The following DLG2 variants were observed in gnomAD, a reference collection of about 807,000 sequenced individuals.
The protein encoded by DLG2 is disks large homolog 2.
DLG2 carries 45 observed loss-of-function variants against 132.5 expected under a neutral mutation model. The observed-to-expected ratio is 0.34, with a 90% CI of 0.27 to 0.44. The LOEUF (loss-of-function observed/expected upper bound fraction) is 0.44, where lower values mean the gene tolerates loss of function less well. DLG2 is among the 20% of genes least tolerant of loss of function. The pLI is 1.00. For synonymous variants in DLG2, 424 were observed against 419.6 expected (o/e 1.01, Z -0.13); for missense variants, 1,045 against 1,196.9 (o/e 0.87, Z 1.87).
intron 6 of DLG2, among the ~76,000 whole-genome samples, chr11:84,660,211 C>T (rs893690385): frequency 8.5e-5 from 13 of 152,212 alleles, no homozygotes; most frequent in African/African-American, 2.6e-4. Context: ...CAAACAAAGG[C>T]ATTCCTACCA....
chr11:83,510,836 T>TTG (rs1368768209), intron 21 of DLG2, among the ~76,000 whole-genome samples: 6 of 141,202 alleles, frequency 4.2e-5, no homozygotes, highest in Non-Finnish European at 9.3e-5. Flanking sequence ...ATCCGTTTTT[T>TTG]TTTTTTTTTT....
At chr11:84,375,722 T>C (rs1005735730) in intron 7 of DLG2, among the ~76,000 whole-genome samples, 1 of 152,036 alleles carries the variant, frequency 6.6e-6, no homozygotes, top group African/African-American at 2.4e-5. Context: ...CTGATTGTTA[T>C]TGAGGCTAGA....
chr11:84,920,371 T>A (rs1180005703), intron 6 of DLG2, among the ~76,000 whole-genome samples: 1 of 152,180 alleles, frequency 6.6e-6, no homozygotes, highest in Non-Finnish European at 1.5e-5. Flanking sequence ...CCATTAGCTG[T>A]CAAGATTCAA....
Position 84,756,625 on chromosome 11 carries a change from T to C in DLG2, c.358-221894A>G, listed in dbSNP as rs543822561. On this transcript the variant is annotated intron_variant, in intron 6 of 27. Transcript: ENST00000376104. ...GTAATATTATGTGTAGATTCTAGTATACACAAAGTGGATACATAACAGTTA... is the reference window on the plus strand; with the variant it reads ...GTAATATTATGTGTAGATTCTAGTACACACAAAGTGGATACATAACAGTTA... 6.6e-5 allele frequency among the ~76,000 whole-genome samples: 10 copies of C among 151,634 alleles called. No homozygotes were observed. The East Asian group carries it at 1.2e-3, about 18-fold the overall frequency.
chr11:85,512,217 A>G (rs1293400737), intron 3 of DLG2, among the ~76,000 whole-genome samples: 1 of 152,044 alleles, frequency 6.6e-6, no homozygotes, highest in African/African-American at 2.4e-5. Context: ...AATAGCAATA[A>G]CAAAGAACTC....
At chr11:83,736,440 T>C (rs1280005374) in intron 18 of DLG2, among the ~76,000 whole-genome samples, 1 of 127,254 alleles carries the variant, frequency 7.9e-6, no homozygotes, top group East Asian at 2.0e-4. Flanking sequence ...ATTTTTTAGA[T>C]ACAAAAAAAA....
chr11:85,005,283 T>C (rs1007585734), intron 6 of DLG2, among the ~76,000 whole-genome samples: 1 of 152,234 alleles, frequency 6.6e-6, no homozygotes, highest in Non-Finnish European at 1.5e-5. Context: ...GATAGCTTGA[T>C]GGGGATAGCA....
intron 3 of DLG2, among the ~76,000 whole-genome samples, chr11:85,353,241 T>C: frequency 6.7e-6 from 1 of 149,074 alleles, no homozygotes; most frequent in South Asian, 2.1e-4. Context: ...GAAAAAATGC[T>C]CATCATTACT....
At chr11:83,909,953 C>T (rs1311041120) in intron 15 of DLG2, among the ~76,000 whole-genome samples, 2 of 152,118 alleles carry the variant, frequency 1.3e-5, no homozygotes, top group Non-Finnish European at 2.9e-5. Flanking sequence ...GAAAGTGATC[C>T]ACTGGAGATT....
chr11:83,590,461 T>C (rs1169201993), intron 19 of DLG2, among the ~76,000 whole-genome samples: 1 of 152,118 alleles, frequency 6.6e-6, no homozygotes, highest in Non-Finnish European at 1.5e-5. Flanking sequence ...AGACACAGCA[T>C]ACCAGAATCT....
chr11:83,836,744 C>T (rs1241315366), intron 16 of DLG2, among the ~76,000 whole-genome samples: 1 of 152,204 alleles, frequency 6.6e-6, no homozygotes, highest in African/African-American at 2.4e-5. Context: ...ATTAATCCTG[C>T]AGGGCCTTGT....
chr11:83,605,118 C>A (rs1397653248), intron 19 of DLG2, among the ~76,000 whole-genome samples: 2 of 151,816 alleles, frequency 1.3e-5, no homozygotes, highest in Non-Finnish European at 2.9e-5. Context: ...TCTGATTTAA[C>A]CCTATGAGGA....
intron 11 of DLG2, among the ~76,000 whole-genome samples, chr11:84,039,099 T>G (rs1593723641): frequency 6.6e-6 from 1 of 152,088 alleles, no homozygotes; most frequent in African/African-American, 2.4e-5. Flanking sequence ...TTTAGGTAAT[T>G]TAACAATATA....
intron 6 of DLG2, among the ~76,000 whole-genome samples, chr11:84,736,657 A>G (rs2063869471): frequency 6.6e-6 from 1 of 151,874 alleles, no homozygotes; most frequent in Non-Finnish European, 1.5e-5. Flanking sequence ...TGGTATTCTA[A>G]ATGGAATTCC....
chr11:85,521,538 A>G (rs1003615378), intron 3 of DLG2, among the ~76,000 whole-genome samples: 3 of 152,184 alleles, frequency 2.0e-5, no homozygotes, highest in African/African-American at 7.2e-5. Flanking sequence ...GATATCTGAA[A>G]ATGTGGAAGC....
chr11:83,549,547 A>C (rs2096333009), intron 19 of DLG2, among the ~76,000 whole-genome samples: 2 of 152,188 alleles, frequency 1.3e-5, no homozygotes, highest in South Asian at 4.1e-4. Context: ...AAGTACTGGA[A>C]GGGAGATGAA....
chr11:83,696,802 G>A (rs542552551), intron 18 of DLG2, among the ~76,000 whole-genome samples: 8 of 152,272 alleles, frequency 5.3e-5, no homozygotes, highest in East Asian at 1.9e-4. Flanking sequence ...CTAACATGAA[G>A]GACTTCGTAG....
At chr11:85,022,733 G>C (rs971803452) in intron 6 of DLG2, among the ~76,000 whole-genome samples, 38 of 152,066 alleles carry the variant, frequency 2.5e-4, no homozygotes, top group African/African-American at 9.2e-4. Context: ...CACTACCTTT[G>C]AGGAAAACTT....
chr11:85,471,955 T>C (rs190311499), intron 3 of DLG2, among the ~76,000 whole-genome samples: 14 of 152,276 alleles, frequency 9.2e-5, no homozygotes, highest in African/African-American at 3.4e-4. Flanking sequence ...AATGTGACTT[T>C]TAGATAATAA....
Sources: allele counts gnomAD v4.1 joint callset (sites outside exome capture counted in the v4.1 genomes callset), GRCh38; gene constraint gnomAD v4.1.1; transcripts MANE v1.5; gene names NCBI Gene and HGNC (gene_info 2026-07-23, HGNC 2026-07-21).